The following ZNF207 variants were observed in gnomAD, a reference collection of about 807,000 sequenced individuals.
The protein encoded by ZNF207 is BUB3-interacting and GLEBS motif-containing protein ZNF207.
A neutral mutation model predicts 60.2 loss-of-function variants in ZNF207; 24 were observed. The observed-to-expected ratio is 0.40, with a 90% CI of 0.29 to 0.56. ZNF207 has a LOEUF of 0.56. Ranked by LOEUF, ZNF207 falls within the 20% of genes least tolerant of loss-of-function variation. The pLI is 0.49. For synonymous variants in ZNF207, 236 were observed against 194.7 expected (o/e 1.21, Z -1.77); for missense variants, 452 against 636.6 (o/e 0.71, Z 3.12).
intron 8 of ZNF207, among the ~76,000 whole-genome samples, chr17:32,366,378 C>T (rs1481826717): frequency 1.3e-5 from 2 of 152,088 alleles, no homozygotes; most frequent in African/African-American, 2.4e-5. Flanking sequence ...ATTTGTACAT[C>T]GTTATTCTCA....
intron 2 of ZNF207, among the ~76,000 whole-genome samples, chr17:32,353,230 C>A (rs1248297978): frequency 6.6e-6 from 1 of 151,894 alleles, no homozygotes; most frequent in African/African-American, 2.4e-5. Context: ...TAATAAATAG[C>A]GAGAGCATTG....
intron 7 of ZNF207, among the ~76,000 whole-genome samples, chr17:32,364,450 T>A (rs1223730397): frequency 6.7e-6 from 1 of 150,292 alleles, no homozygotes; most frequent in Admixed American, 6.7e-5. Context: ...ATCCGCCTCC[T>A]GGGTTCAAGC....
intron 9 of ZNF207, among the ~76,000 whole-genome samples, 158 bp from the exon 10 acceptor site, chr17:32,367,614 T>C (rs538714718): frequency 1.3e-5 from 2 of 152,274 alleles, no homozygotes; most frequent in Admixed American, 6.5e-5. Context: ...ATGGGTTATC[T>C]TGAATTTTGT....
intron 8 of ZNF207, 47 bp downstream of exon 8, chr17:32,365,534 A>T (rs1597786393): frequency 6.4e-7 from 1 of 1,572,924 alleles, no homozygotes; most frequent in East Asian, 2.3e-5. Flanking sequence ...TTAAAGATAA[A>T]GTACAGTTGT....
rs1040484964 is a variant in ZNF207, at chr17:32,378,273, T to C, written c.*8514T>C. The C allele has an allele frequency of 2.0e-5, 3 of 152,014 alleles. No individual in the cohort carries two copies. The East Asian group carries it at 5.8e-4, about 29-fold the overall frequency. 9.4% of individuals were successfully genotyped at this position (152,014 alleles called of 1,614,324 possible). On this transcript the variant is annotated 3_prime_UTR_variant, in exon 12 of 12. Coordinates refer to ENST00000394670, the MANE Select transcript of ZNF207 (RefSeq NM_001098507.2). ...AGTTGGCTATGCCCTTGTTGATAGA[T>C]GATATGGAGTCCAGGGCTTTGGGTC...
At position 32,381,743 on chromosome 17, in the gene ZNF207, G is replaced by C. The variant is rs1180242103; in HGVS notation, c.*11984G>C. ...GAAGCCTGAAGTTATTTTTTAGTTT[G>C]TTTTCATCTAAAAGTGGAAAGATTT... is the stretch of plus-strand genomic sequence containing the variant. On this transcript the variant is annotated 3_prime_UTR_variant, in exon 12 of 12. Coordinates refer to ENST00000394670, the MANE Select transcript of ZNF207 (RefSeq NM_001098507.2). 2.0e-5 allele frequency: 3 copies of C among 152,046 alleles called. No homozygotes were observed. The East Asian group carries it at 5.8e-4, about 29-fold the overall frequency. The allele number at this position is 152,046 out of a possible 1,614,324, so 9.4% of individuals were successfully genotyped here.
At chr17:32,359,985 C>T (rs1052375315) in intron 3 of ZNF207, among the ~76,000 whole-genome samples, 3 of 152,124 alleles carry the variant, frequency 2.0e-5, no homozygotes, top group African/African-American at 4.8e-5. Context: ...TTTTTGAAGA[C>T]ATACTTGATT....
Position 32,367,905 on chromosome 17 carries a change from C to CA in ZNF207, c.1058dup (p.Asn353LysfsTer2). The CA allele has an allele frequency of 6.2e-7, 1 of 1,614,160 alleles. No homozygotes were observed. Among genetic ancestry groups the CA allele is most frequent in the Non-Finnish European group, 8.5e-7 (1 of 1,180,028 alleles). On this transcript the variant is annotated frameshift_variant, in exon 10 of 12. Coordinates refer to ENST00000394670, the MANE Select transcript of ZNF207 (RefSeq NM_001098507.2). LOFTEE classifies it high-confidence loss of function. Reference sequence around the variant, plus strand: ...TCTACAGCTTCAACAACTAGTACAACAAATAGTACTGCAGCTAAACCAGCG... The same window carrying CA: ...TCTACAGCTTCAACAACTAGTACAACAAAATAGTACTGCAGCTAAACCAGCG...
Position 32,358,489 on chromosome 17 carries a change from A to G in ZNF207, c.169-14A>G, listed in dbSNP as rs539247967. 171 of 1,535,240 alleles carry G rather than the reference A, an allele frequency of 1.1e-4. No homozygotes were observed. The highest frequency in any genetic ancestry group is 5.1e-4 in the Middle Eastern group (3 of 5,884). ...TAAAAAAGACTTTTATCTAATGGAA[A>G]TTGTTGTTGTTAGGTACATAAAGAA... is the stretch of plus-strand genomic sequence containing the variant. On this transcript the variant is annotated splice_polypyrimidine_tract_variant and intron_variant, in intron 2 of 11. Coordinates refer to ENST00000394670, the MANE Select transcript of ZNF207 (RefSeq NM_001098507.2).
In ZNF207 at chr17:32,373,583, T is replaced by C. The variant is rs1905555831; in HGVS notation, c.*3824T>C. On this transcript the variant is annotated 3_prime_UTR_variant, in exon 12 of 12. Transcript: ENST00000394670. Reference sequence around the variant, plus strand: ...TTAATTAAACTTAGGATTTTTATACTCTTTTGGCAGAGAAGGCTCTATATT... The same window carrying C: ...TTAATTAAACTTAGGATTTTTATACCCTTTTGGCAGAGAAGGCTCTATATT... 1 of 421,968 alleles carries C rather than the reference T, an allele frequency of 2.4e-6. No homozygotes were observed. 26.1% of individuals were successfully genotyped at this position (421,968 alleles called of 1,614,324 possible).
At chr17:32,358,988 C>G (rs75541289) in intron 3 of ZNF207, among the ~76,000 whole-genome samples, 56 of 152,016 alleles carry the variant, frequency 3.7e-4, no homozygotes, top group Non-Finnish European at 6.2e-4. Flanking sequence ...TTAGTAGATA[C>G]GGGGTTTTAC....
chr17:32,379,480 A>C lies in ZNF207; in HGVS notation c.*9721A>C, dbSNP rs1208941295. ...TTTGGTGAGATGGAATAAATGTTTA[A>C]AATTAGTATTTAAGAAAGTTCTTAA... is the stretch of plus-strand genomic sequence containing the variant. On this transcript the variant is annotated 3_prime_UTR_variant, in exon 12 of 12. Coordinates refer to ENST00000394670, the MANE Select transcript of ZNF207 (RefSeq NM_001098507.2). The C allele has an allele frequency of 6.6e-6, 1 of 152,156 alleles. No individual in the cohort carries two copies. The highest frequency in any genetic ancestry group is 1.5e-5 in the Non-Finnish European group (1 of 67,990). The allele number at this position is 152,156 out of a possible 1,614,324, so 9.4% of individuals were successfully genotyped here. A position where few individuals can be genotyped will look rare whatever the true frequency, so the allele number is the denominator to read the frequency against.
At position 32,375,616 on chromosome 17, in the gene ZNF207, A is replaced by G. The variant is rs749879192; in HGVS notation, c.*5857A>G. On this transcript the variant is annotated 3_prime_UTR_variant, in exon 12 of 12. Coordinates refer to ENST00000394670, the MANE Select transcript of ZNF207 (RefSeq NM_001098507.2). ...AGTAAAACTTGGCAAATGAAAGAAA[A>G]TTGTGAAGTCACCACTTTAACTGAG... is the stretch of plus-strand genomic sequence containing the variant. The G allele has an allele frequency of 6.6e-5, 10 of 152,122 alleles. No homozygotes were observed. Among genetic ancestry groups the G allele is most frequent in the Non-Finnish European group, 1.3e-4 (9 of 67,984 alleles). The allele number at this position is 152,122 out of a possible 1,614,324, so 9.4% of individuals were successfully genotyped here. A position where few individuals can be genotyped will look rare whatever the true frequency, so the allele number is the denominator to read the frequency against.
At position 32,367,932 on chromosome 17, in the gene ZNF207, CT is replaced by C; in HGVS notation, c.1084del (p.Ser362GlnfsTer2). ...AATAGTACTGCAGCTAAACCAGCGGCTTCAATAACAAGTAAGCCTGCTACAC... is the reference window on the plus strand; with the variant it reads ...AATAGTACTGCAGCTAAACCAGCGGCTCAATAACAAGTAAGCCTGCTACAC... ...TTNSTAAKPA[A>X]SITSKPATLT... On this transcript the variant is annotated frameshift_variant, in exon 10 of 12. Coordinates refer to ENST00000394670, the MANE Select transcript of ZNF207 (RefSeq NM_001098507.2). LOFTEE classifies it high-confidence loss of function. 1 of 1,614,162 alleles carries C rather than the reference CT, an allele frequency of 6.2e-7. No homozygotes were observed. Among genetic ancestry groups the C allele is most frequent in the Non-Finnish European group, 8.5e-7 (1 of 1,180,034 alleles).
chr17:32,358,663 AT>A, intron 3 of ZNF207, 22 bp downstream of exon 3: 1 of 1,401,946 alleles, frequency 7.1e-7, no homozygotes. Context: ...GATAAGTTTT[AT>A]TTTATTTATT....
At chr17:32,351,695 A>C (rs759325723) in intron 1 of ZNF207, 91 bp from the exon 2 acceptor site, 1 of 1,610,278 alleles carries the variant, frequency 6.2e-7, no homozygotes, top group Non-Finnish European at 8.5e-7. Flanking sequence ...TTTTGGTTTT[A>C]GCTGTTCCCA....
rs1644529255 is a variant in ZNF207 at position 32,371,871 on chromosome 17, C to G, written c.*2112C>G. ...GTAATGTATTTCTTTCTGCCAGCAG[C>G]CAAGTCCCAAACCACTTTCCCCTCT... On this transcript the variant is annotated 3_prime_UTR_variant, in exon 12 of 12. Transcript: ENST00000394670. 2 of 152,302 alleles carry G rather than the reference C, an allele frequency of 1.3e-5. No homozygotes were observed. Among genetic ancestry groups the G allele is most frequent in the South Asian group, 4.1e-4 (2 of 4,832 alleles). 9.4% of individuals were successfully genotyped at this position (152,302 alleles called of 1,614,324 possible). A position where few individuals can be genotyped will look rare whatever the true frequency, so the allele number is the denominator to read the frequency against.
intron 2 of ZNF207, among the ~76,000 whole-genome samples, chr17:32,352,865 T>A (rs560959792): frequency 6.6e-6 from 1 of 152,204 alleles, no homozygotes; most frequent in East Asian, 1.9e-4. Flanking sequence ...CAGCCCAGAA[T>A]TGTATTTCAT....
At chr17:32,356,974 G>C (rs903107380) in intron 2 of ZNF207, among the ~76,000 whole-genome samples, 8 of 152,124 alleles carry the variant, frequency 5.3e-5, no homozygotes, top group Non-Finnish European at 1.0e-4. Flanking sequence ...TTGAGTTCAG[G>C]AGTTTGAGAG....
Sources: allele counts gnomAD v4.1 joint callset (sites outside exome capture counted in the v4.1 genomes callset), GRCh38; gene constraint gnomAD v4.1.1; transcripts MANE v1.5; gene names NCBI Gene and HGNC (gene_info 2026-07-23, HGNC 2026-07-21).